CA8: variants seen among roughly 807,000 people sequenced by gnomAD.
CA8 encodes the protein carbonic anhydrase 8 (inactive), also known as carbonic anhydrase-related protein.
In CA8, 22 loss-of-function variants were observed where a neutral mutation model predicts 41.4. The ratio of observed to expected loss-of-function variants is 0.53; its 90% CI spans 0.38 to 0.76. The LOEUF is 0.76. CA8 is among the 30% of genes least tolerant of loss of function. CA8 has a pLI of 0.00. For synonymous variants in CA8, 121 were observed against 130.6 expected (o/e 0.93, Z 0.50); for missense variants, 270 against 352.8 (o/e 0.77, Z 1.88).
chr8:60,201,904 A>C (rs1478739372), intron 8 of CA8, among the ~76,000 whole-genome samples: 1 of 152,234 alleles, frequency 6.6e-6, no homozygotes, highest in African/African-American at 2.4e-5. Flanking sequence ...GCTGTTCAGA[A>C]TCAGAATTGA....
intron 8 of CA8, among the ~76,000 whole-genome samples, chr8:60,193,357 G>A (rs1430639465): frequency 6.6e-6 from 1 of 152,146 alleles, no homozygotes; most frequent in Non-Finnish European, 1.5e-5. Flanking sequence ...GTTTGCCTAT[G>A]ATCTCATTCT....
chr8:60,212,613 G>A (rs1460680417), intron 7 of CA8, among the ~76,000 whole-genome samples: 1 of 152,202 alleles, frequency 6.6e-6, no homozygotes, highest in Admixed American at 6.5e-5. Context: ...GAAGCAGAGA[G>A]AAGAATGGCA....
chr8:60,249,752 T>C (rs533714638), intron 3 of CA8, among the ~76,000 whole-genome samples: 1 of 152,314 alleles, frequency 6.6e-6, no homozygotes, highest in South Asian at 2.1e-4. Context: ...TGAATGATCA[T>C]AAAATGTATT....
At chr8:60,227,827 T>G (rs1409412772) in intron 4 of CA8, among the ~76,000 whole-genome samples, 1 of 152,196 alleles carries the variant, frequency 6.6e-6, no homozygotes, top group African/African-American at 2.4e-5. Flanking sequence ...TATATATTAT[T>G]AGTGTATAAA....
chr8:60,224,551 T>A lies in CA8; in HGVS notation c.611A>T (p.Asn204Ile). ...TAAATACTCACCTGGTAATAAAGTG[T>A]TAGGATTAAAGCAAGGTATTGTTTT... is the stretch of plus-strand genomic sequence containing the variant. ...KSKTIPCFNP[N>I]TLLPDPLLRD... Residue 204 changes from asparagine to isoleucine, a missense_variant, in exon 6 of 9, where the codon AAC (asparagine) becomes ATC (isoleucine). Asn to Ile is a moderately radical substitution (Grantham distance 149, BLOSUM62 -3). Coordinates refer to ENST00000317995, the MANE Select transcript of CA8 (RefSeq NM_004056.6). 1 of 1,579,118 alleles carries A rather than the reference T, an allele frequency of 6.3e-7. No individual in the cohort carries two copies. Among genetic ancestry groups the A allele is most frequent in the African/African-American group, 1.3e-5 (1 of 74,400 alleles).
At chr8:60,200,068 G>C (rs1183664977) in intron 8 of CA8, among the ~76,000 whole-genome samples, 1 of 152,156 alleles carries the variant, frequency 6.6e-6, no homozygotes, top group Non-Finnish European at 1.5e-5. Flanking sequence ...GATCATGTGG[G>C]CAGAGGCCTA....
At chr8:60,222,783 T>C (rs1354078401) in intron 6 of CA8, 22 bp from the exon 7 acceptor site, 2 of 1,456,818 alleles carry the variant, frequency 1.4e-6, no homozygotes. Context: ...CGTGGACATG[T>C]AATGGAAAAG....
chr8:60,210,576 C>T (rs1173567511), intron 7 of CA8, among the ~76,000 whole-genome samples: 1 of 151,332 alleles, frequency 6.6e-6, no homozygotes, highest in Admixed American at 6.6e-5. Flanking sequence ...ACGGATAGTT[C>T]AATTAGAATC....
At chr8:60,247,510 G>A (rs1011480190) in intron 3 of CA8, among the ~76,000 whole-genome samples, 2 of 152,108 alleles carry the variant, frequency 1.3e-5, no homozygotes, top group Non-Finnish European at 2.9e-5. Flanking sequence ...GCAGTGTTTG[G>A]TTTTCTGTTC....
At chr8:60,248,164 T>C (rs753973119) in intron 3 of CA8, among the ~76,000 whole-genome samples, 124 of 152,166 alleles carry the variant, frequency 8.1e-4, no homozygotes, top group Non-Finnish European at 1.6e-3. Flanking sequence ...CCTTGTCAGA[T>C]GGGCAGATTT....
chr8:60,265,568 G>T, intron 3 of CA8: 1 of 268,334 alleles, frequency 3.7e-6, no homozygotes, highest in Admixed American at 5.1e-5. Flanking sequence ...TACTGTTGAG[G>T]TTTCTCCAAC....
chr8:60,189,042 T>C lies in CA8; in HGVS notation c.*979A>G, dbSNP rs1806041340. 6.6e-6 allele frequency: 1 copy of C among 152,164 alleles called. No individual in the cohort carries two copies. Among genetic ancestry groups the C allele is most frequent in the African/African-American group, 2.4e-5 (1 of 41,440 alleles). 9.4% of individuals were successfully genotyped at this position (152,164 alleles called of 1,614,324 possible). ...ACTCTACTGCTTTACATAAATTATC[T>C]CATTCTGTCACATCTAACGGCAACT... On this transcript the variant is annotated 3_prime_UTR_variant, in exon 9 of 9. Coordinates refer to ENST00000317995, the MANE Select transcript of CA8 (RefSeq NM_004056.6).
chr8:60,220,064 T>A (rs1026834702), intron 7 of CA8, among the ~76,000 whole-genome samples: 1 of 151,982 alleles, frequency 6.6e-6, no homozygotes, highest in African/African-American at 2.4e-5. Context: ...CCCTCTACAT[T>A]CAGCTCAACA....
intron 8 of CA8, among the ~76,000 whole-genome samples, chr8:60,198,487 T>C (rs769418230): frequency 6.6e-5 from 10 of 152,206 alleles, no homozygotes; most frequent in East Asian, 1.9e-4. Context: ...TGTGTTAGGA[T>C]ACTTTGACAC....
intron 8 of CA8, among the ~76,000 whole-genome samples, chr8:60,201,191 T>C (rs1261530193): frequency 6.6e-6 from 1 of 152,142 alleles, no homozygotes; most frequent in Admixed American, 6.5e-5. Flanking sequence ...TTCAATATTG[T>C]ATATGTTGAG....
In CA8 at chr8:60,244,607, G is replaced by A. The variant is rs182739430; in HGVS notation, c.418-12228C>T. The stretch of plus-strand genomic sequence containing the variant: ...TTTCATTTCTCTTTCATTTGCCCGC[G>A]AAATACCACTGTCAATTTTCACACT... On this transcript the variant is annotated intron_variant, in intron 3 of 8. Coordinates refer to ENST00000317995, the MANE Select transcript of CA8 (RefSeq NM_004056.6). Among the ~76,000 whole-genome samples, 5 of 152,190 alleles carry A rather than the reference G, an allele frequency of 3.3e-5. No homozygotes were observed. In the East Asian group the frequency reaches 5.8e-4, roughly 18 times the overall value.
intron 3 of CA8, among the ~76,000 whole-genome samples, chr8:60,259,029 A>T (rs75610988): frequency 0.034 from 5,141 of 151,160 alleles, 285 homozygotes; most frequent in African/African-American, 0.11. Context: ...TGCATGAAAA[A>T]CTCCCTGAGT....
chr8:60,217,517 G>A (rs56309258), intron 7 of CA8, among the ~76,000 whole-genome samples: 55,861 of 151,968 alleles, frequency 0.37, 10,735 homozygotes, highest in Admixed American at 0.45. Context: ...CAAATCCCTC[G>A]TTCTCTGAAT....
At chr8:60,267,567 CACAG>C (rs931400371) in intron 2 of CA8, among the ~76,000 whole-genome samples, 7 of 152,106 alleles carry the variant, frequency 4.6e-5, no homozygotes, top group African/African-American at 9.7e-5. Flanking sequence ...TCATCAACTC[CACAG>C]ACAGGGCAGA....
Sources: allele counts gnomAD v4.1 joint callset (sites outside exome capture counted in the v4.1 genomes callset), GRCh38; gene constraint gnomAD v4.1.1; transcripts MANE v1.5; gene names NCBI Gene and HGNC (gene_info 2026-07-23, HGNC 2026-07-21).